Variants in ARNT2 observed in about 807,000 individuals in gnomAD.
The protein encoded by ARNT2 is ARNT protein 2.
Under a neutral mutation model 91.7 loss-of-function variants are expected in ARNT2, and 36 were observed. The ratio of observed to expected loss-of-function variants is 0.39; its 90% CI spans 0.30 to 0.52. The LOEUF (loss-of-function observed/expected upper bound fraction) is 0.52, where lower values mean the gene tolerates loss of function less well. Among genes scored for constraint, ARNT2 ranks in the 20% least tolerant of loss-of-function variants. The pLI, the probability that ARNT2 is intolerant of heterozygous loss-of-function variation, is 0.72. For synonymous variants in ARNT2, 365 were observed against 347.1 expected (o/e 1.05, Z -0.57); for missense variants, 775 against 939.3 (o/e 0.83, Z 2.29).
chr15:80,553,829 G>A (rs2141457729), intron 10 of ARNT2, among the ~76,000 whole-genome samples: 1 of 152,346 alleles, frequency 6.6e-6, no homozygotes. Flanking sequence ...ACTAGAAGCA[G>A]TTCAAACTAG....
intron 18 of ARNT2, 134 bp from the exon 19 acceptor site, chr15:80,593,466 G>T: frequency 1.5e-6 from 1 of 657,310 alleles, no homozygotes. Context: ...TCCCGCAGAA[G>T]GCTGGGGAGG....
At chr15:80,512,734 C>A (rs1045227829) in intron 6 of ARNT2, among the ~76,000 whole-genome samples, 4 of 152,198 alleles carry the variant, frequency 2.6e-5, no homozygotes, top group Non-Finnish European at 4.4e-5. Flanking sequence ...CATAGTATAT[C>A]ATTTCCATTA....
intron 1 of ARNT2, among the ~76,000 whole-genome samples, chr15:80,442,546 A>G (rs78589136): frequency 8.3e-4 from 127 of 152,376 alleles, no homozygotes; most frequent in Non-Finnish European, 1.4e-3. Flanking sequence ...ATTGAAACAG[A>G]GACCACTTTC....
intron 14 of ARNT2, 87 bp from the exon 15 acceptor site, chr15:80,576,775 GCCCA>G: frequency 7.3e-7 from 1 of 1,374,466 alleles, no homozygotes. Context: ...CCGTTCCCAC[GCCCA>G]CCCCTGCACC....
intron 8 of ARNT2, among the ~76,000 whole-genome samples, chr15:80,528,646 G>T (rs1049164303): frequency 1.3e-5 from 2 of 152,114 alleles, no homozygotes; most frequent in Non-Finnish European, 2.9e-5. Flanking sequence ...TGGGGGATCT[G>T]TGAGTTCTCA....
At chr15:80,424,777 CAA>C (rs11403327) in intron 1 of ARNT2, among the ~76,000 whole-genome samples, 1 of 147,078 alleles carries the variant, frequency 6.8e-6, no homozygotes, top group Non-Finnish European at 1.5e-5. Flanking sequence ...AAACAGCCCT[CAA>C]AAAAAAAAAA....
chr15:80,435,139 G>A (rs1042573085), intron 1 of ARNT2, among the ~76,000 whole-genome samples: 1 of 152,154 alleles, frequency 6.6e-6, no homozygotes, highest in African/African-American at 2.4e-5. Flanking sequence ...ACAGCCAACA[G>A]CCAGCACTGC....
intron 1 of ARNT2, among the ~76,000 whole-genome samples, chr15:80,423,150 A>G (rs1895883581): frequency 6.6e-6 from 1 of 152,196 alleles, no homozygotes; most frequent in African/African-American, 2.4e-5. Flanking sequence ...AATAATAATG[A>G]TATCCACCTC....
At chr15:80,488,389 G>T (rs931627098) in intron 5 of ARNT2, among the ~76,000 whole-genome samples, 1 of 152,142 alleles carries the variant, frequency 6.6e-6, no homozygotes, top group African/African-American at 2.4e-5. Context: ...ACCTCCTAAA[G>T]TTCCTACATT....
At chr15:80,527,339 C>A (rs1214553543) in intron 8 of ARNT2, among the ~76,000 whole-genome samples, 2 of 152,142 alleles carry the variant, frequency 1.3e-5, no homozygotes, top group East Asian at 3.8e-4. Flanking sequence ...GGGAAACATG[C>A]ATGTAGGAGA....
intron 1 of ARNT2, among the ~76,000 whole-genome samples, chr15:80,417,435 A>G (rs1356095225): frequency 2.0e-5 from 3 of 152,168 alleles, no homozygotes; most frequent in Non-Finnish European, 4.4e-5. Context: ...TTAAAAACCA[A>G]ATTCGGGAGG....
chr15:80,457,412 G>A (rs1470110561), intron 2 of ARNT2, among the ~76,000 whole-genome samples: 1 of 152,148 alleles, frequency 6.6e-6, no homozygotes, highest in Non-Finnish European at 1.5e-5. Flanking sequence ...TTTTTAAGCA[G>A]TACAACCGGT....
chr15:80,575,993 G>A (rs1022925759), intron 14 of ARNT2, among the ~76,000 whole-genome samples: 2 of 152,188 alleles, frequency 1.3e-5, no homozygotes, highest in East Asian at 1.9e-4. Flanking sequence ...AGGCACTGTC[G>A]TAAGCACTTA....
At chr15:80,440,345 C>T (rs1002333884) in intron 1 of ARNT2, among the ~76,000 whole-genome samples, 1 of 152,196 alleles carries the variant, frequency 6.6e-6, no homozygotes, top group Non-Finnish European at 1.5e-5. Flanking sequence ...GAATCATATC[C>T]TTGACAGCAG....
chr15:80,407,587 C>A lies in ARNT2; in HGVS notation c.31+3041C>A, dbSNP rs145202798. 1.4e-4 allele frequency among the ~76,000 whole-genome samples: 21 copies of A among 152,300 alleles called. No homozygotes were observed. The East Asian group carries it at 4.0e-3, about 29-fold the overall frequency. Reference sequence around the variant, plus strand: ...GTGCCTCCTCCTTCTGGGTCATTTACAGTCCTTACGTTGGTCACTGAAACT... The same window carrying A: ...GTGCCTCCTCCTTCTGGGTCATTTAAAGTCCTTACGTTGGTCACTGAAACT... On this transcript the variant is annotated intron_variant, in intron 1 of 18. Coordinates refer to ENST00000303329, the MANE Select transcript of ARNT2 (RefSeq NM_014862.4).
At chr15:80,479,098 C>A (rs1295248215) in intron 5 of ARNT2, among the ~76,000 whole-genome samples, 1 of 152,180 alleles carries the variant, frequency 6.6e-6, no homozygotes, top group Non-Finnish European at 1.5e-5. Context: ...GATTCAATGT[C>A]TCATTCGTTG....
chr15:80,407,448 G>T (rs766894780), intron 1 of ARNT2, among the ~76,000 whole-genome samples: 2 of 152,166 alleles, frequency 1.3e-5, no homozygotes, highest in Non-Finnish European at 2.9e-5. Flanking sequence ...TTTTAGGTTA[G>T]GATTCTACCA....
intron 6 of ARNT2, among the ~76,000 whole-genome samples, chr15:80,510,543 A>G (rs907563247): frequency 1.3e-5 from 2 of 152,148 alleles, no homozygotes; most frequent in African/African-American, 4.8e-5. Context: ...TTAAAAAGTC[A>G]AAAAGGGCCG....
chr15:80,476,674 C>A (rs1375597970), intron 5 of ARNT2, among the ~76,000 whole-genome samples: 1 of 152,130 alleles, frequency 6.6e-6, no homozygotes, highest in Non-Finnish European at 1.5e-5. Flanking sequence ...TTGTGGTCAG[C>A]CTAGGATGCC....
Sources: allele counts gnomAD v4.1 joint callset (sites outside exome capture counted in the v4.1 genomes callset), GRCh38; gene constraint gnomAD v4.1.1; transcripts MANE v1.5; gene names NCBI Gene and HGNC (gene_info 2026-07-23, HGNC 2026-07-21).